PTPRT: variants seen among roughly 807,000 people sequenced by gnomAD.
PTPRT encodes the protein protein tyrosine phosphatase receptor type T.
PTPRT carries 56 observed loss-of-function variants against 176.8 expected under a neutral mutation model. The observed-to-expected ratio is 0.32, with a 90% CI of 0.26 to 0.40. PTPRT has a LOEUF of 0.40. PTPRT is among the 10% of genes least tolerant of loss of function. The pLI, the probability that PTPRT is intolerant of heterozygous loss-of-function variation, is 1.00. For synonymous variants in PTPRT, 783 were observed against 739.0 expected (o/e 1.06, Z -0.96); for missense variants, 1,540 against 1,908.2 (o/e 0.81, Z 3.60).
chr20:42,301,541 T>C (rs2057467966), intron 12 of PTPRT, among the ~76,000 whole-genome samples: 1 of 152,162 alleles, frequency 6.6e-6, no homozygotes, highest in African/African-American at 2.4e-5. Context: ...TAGTATTATG[T>C]GGACATTAAT....
intron 7 of PTPRT, among the ~76,000 whole-genome samples, chr20:42,514,558 A>T (rs2072025530): frequency 6.6e-6 from 1 of 152,058 alleles, no homozygotes; most frequent in Non-Finnish European, 1.5e-5. Flanking sequence ...TTGTCTTTTC[A>T]ATTGATTTGG....
intron 13 of PTPRT, among the ~76,000 whole-genome samples, chr20:42,272,984 C>T (rs143419088): frequency 2.6e-5 from 4 of 152,316 alleles, no homozygotes; most frequent in Admixed American, 2.6e-4. Context: ...TCTCAGTGAT[C>T]ACACATTCTG....
chr20:42,567,799 A>C (rs2073071297), intron 7 of PTPRT, among the ~76,000 whole-genome samples: 1 of 152,142 alleles, frequency 6.6e-6, no homozygotes, highest in African/African-American at 2.4e-5. Context: ...TATAATTGTG[A>C]TATATTTTCC....
chr20:42,066,795 A>G, the PTPRT span, among the ~76,000 whole-genome samples: 2 of 152,288 alleles, frequency 1.3e-5, no homozygotes, highest in East Asian at 3.9e-4. Context: ...TAATTTCTAT[A>G]TTCACTATTA....
chr20:42,958,811 A>G (rs1568701497), intron 1 of PTPRT, among the ~76,000 whole-genome samples: 1 of 152,180 alleles, frequency 6.6e-6, no homozygotes. Context: ...CTCGGCTGTT[A>G]ACTTATGAAC....
At chr20:42,555,281 G>A (rs1444025412) in intron 7 of PTPRT, among the ~76,000 whole-genome samples, 1 of 152,126 alleles carries the variant, frequency 6.6e-6, no homozygotes, top group Non-Finnish European at 1.5e-5. Context: ...TCAACTCAAA[G>A]TATTCATGCT....
chr20:42,921,759 G>T (rs1979160785), intron 1 of PTPRT, among the ~76,000 whole-genome samples: 2 of 152,270 alleles, frequency 1.3e-5, no homozygotes, highest in East Asian at 1.9e-4. Context: ...TCCAATCAGG[G>T]TCTTGCTGCC....
chr20:42,905,271 C>T (rs2079459660), intron 1 of PTPRT, among the ~76,000 whole-genome samples: 1 of 152,324 alleles, frequency 6.6e-6, no homozygotes, highest in East Asian at 1.9e-4. Flanking sequence ...TGGCCAGACA[C>T]TTATCAAAAG....
At chr20:42,208,684 C>T (rs2055537133) in intron 15 of PTPRT, among the ~76,000 whole-genome samples, 2 of 152,006 alleles carry the variant, frequency 1.3e-5, no homozygotes, top group South Asian at 2.1e-4. Flanking sequence ...GACTCCCACA[C>T]ATTAATAATG....
intron 1 of PTPRT, among the ~76,000 whole-genome samples, chr20:43,180,990 A>G (rs79676180): frequency 0.043 from 6,481 of 152,196 alleles, 189 homozygotes; most frequent in Non-Finnish European, 0.066. Flanking sequence ...TGTGACTTCC[A>G]TCTTGCTCAC....
At chr20:42,086,983 T>C (rs1319817522) in intron 27 of PTPRT, among the ~76,000 whole-genome samples, 1 of 151,396 alleles carries the variant, frequency 6.6e-6, no homozygotes, top group East Asian at 1.9e-4. Context: ...CAAAAGGCAG[T>C]GATTGACCTT....
At chr20:42,401,066 A>G (rs976078182) in intron 9 of PTPRT, among the ~76,000 whole-genome samples, 3 of 151,954 alleles carry the variant, frequency 2.0e-5, no homozygotes, top group Admixed American at 6.6e-5. Flanking sequence ...AGGAGCAGGG[A>G]CAGTTTTGAT....
chr20:42,603,415 C>T (rs191733935), intron 7 of PTPRT, among the ~76,000 whole-genome samples: 12 of 152,174 alleles, frequency 7.9e-5, no homozygotes, highest in East Asian at 3.9e-4. Flanking sequence ...AAGTGCAAAA[C>T]GCAAACAGGC....
At chr20:42,345,537 A>G (rs2058178157) in intron 11 of PTPRT, among the ~76,000 whole-genome samples, 1 of 148,290 alleles carries the variant, frequency 6.7e-6, no homozygotes, top group African/African-American at 2.5e-5. Context: ...ATATATATAA[A>G]ACTAGTTACT....
At chr20:42,056,883 C>T in the PTPRT span, among the ~76,000 whole-genome samples, 1 of 152,172 alleles carries the variant, frequency 6.6e-6, no homozygotes, top group Non-Finnish European at 1.5e-5. Context: ...TGGAGGAGGT[C>T]TCTTTGGACT....
chr20:43,051,625 TA>T (rs35885799), intron 1 of PTPRT, among the ~76,000 whole-genome samples: 2,188 of 91,868 alleles, frequency 0.024, 52 homozygotes, highest in African/African-American at 0.089. Context: ...TCTGTAACTG[TA>T]AAAAAAAAAA....
At chr20:43,134,442 TC>T (rs1325268294) in intron 1 of PTPRT, among the ~76,000 whole-genome samples, 1 of 152,214 alleles carries the variant, frequency 6.6e-6, no homozygotes, top group Admixed American at 6.5e-5. Context: ...CCCTGGCGTG[TC>T]TTCAGGAAGA....
chr20:42,461,125 C>T (rs1021918819), intron 8 of PTPRT, among the ~76,000 whole-genome samples: 6 of 152,108 alleles, frequency 3.9e-5, no homozygotes, highest in South Asian at 2.1e-4. Context: ...GTTGGGAGTT[C>T]GATACCAGCC....
At chr20:42,429,980 G>A (rs924988544) in intron 9 of PTPRT, among the ~76,000 whole-genome samples, 1 of 152,250 alleles carries the variant, frequency 6.6e-6, no homozygotes, top group Non-Finnish European at 1.5e-5. Context: ...CACTCATGGA[G>A]GAAACTGTTG....
Sources: gnomAD v4.1 joint callset for allele counts (sites outside exome capture counted in the v4.1 genomes callset) on GRCh38, gnomAD v4.1.1 for gene constraint, MANE v1.5 for transcripts, NCBI Gene and HGNC (gene_info 2026-07-23, HGNC 2026-07-21) for gene names.